Variants in LRP1B observed in about 807,000 individuals in gnomAD.
LRP1B encodes the protein low-density lipoprotein receptor-related protein 1B.
In LRP1B, 217 loss-of-function variants were observed where a neutral mutation model predicts 556.6. The ratio of observed to expected loss-of-function variants is 0.39; its 90% CI spans 0.35 to 0.44. The LOEUF (loss-of-function observed/expected upper bound fraction) is 0.44, where lower values mean the gene tolerates loss of function less well. Ranked by LOEUF, LRP1B falls within the 20% of genes least tolerant of loss-of-function variation. The probability of loss-of-function intolerance (pLI) is 1.00; values close to 1 mark genes in which losing one functional copy is unlikely to be tolerated. For synonymous variants in LRP1B, 2,047 were observed against 1,865.8 expected (o/e 1.10, Z -2.50); for missense variants, 5,053 against 5,620.8 (o/e 0.90, Z 3.23).
At chr2:140,744,054 G>C (rs774792685) in intron 35 of LRP1B, among the ~76,000 whole-genome samples, 6 of 147,558 alleles carry the variant, frequency 4.1e-5, no homozygotes, top group Non-Finnish European at 5.9e-5. Flanking sequence ...AGAGGAATGA[G>C]AAGATGTTAA....
In LRP1B at chr2:141,120,930, C is replaced by T. The variant is rs936526677; in HGVS notation, c.1014-58657G>A. Reference sequence around the variant, plus strand: ...CCATGCATTGCACACTGCAACTCTGCCCTAATAGCTTCTGACAATGATAAA... The same window carrying T: ...CCATGCATTGCACACTGCAACTCTGTCCTAATAGCTTCTGACAATGATAAA... On this transcript the variant is annotated intron_variant, in intron 7 of 90. Coordinates refer to ENST00000389484, the MANE Select transcript of LRP1B (RefSeq NM_018557.3). 4.6e-5 allele frequency among the ~76,000 whole-genome samples: 7 copies of T among 152,082 alleles called. 1 individual carries two copies. The highest frequency in any genetic ancestry group is 7.2e-5 in the African/African-American group (3 of 41,532).
chr2:141,101,620 ATGAG>A (rs1195200635), intron 7 of LRP1B, among the ~76,000 whole-genome samples: 1 of 152,178 alleles, frequency 6.6e-6, no homozygotes, highest in Non-Finnish European at 1.5e-5. Context: ...ATTTGAATGA[ATGAG>A]TGAAATATGA....
At chr2:142,093,150 A>C (rs1272970320) in intron 1 of LRP1B, among the ~76,000 whole-genome samples, 2 of 152,108 alleles carry the variant, frequency 1.3e-5, no homozygotes, top group Admixed American at 1.3e-4. Flanking sequence ...CCATCTTGTC[A>C]TCATGTCTAC....
chr2:141,176,963 T>C (rs1380190765), intron 7 of LRP1B, among the ~76,000 whole-genome samples: 1 of 152,100 alleles, frequency 6.6e-6, no homozygotes, highest in East Asian at 1.9e-4. Flanking sequence ...ATGTCCTCCT[T>C]CTGCTTTTTC....
chr2:142,082,347 A>G (rs1168687185), intron 1 of LRP1B, among the ~76,000 whole-genome samples: 2 of 152,124 alleles, frequency 1.3e-5, no homozygotes, highest in African/African-American at 4.8e-5. Flanking sequence ...TTTTTTTCTC[A>G]TTTGGAAGGT....
intron 1 of LRP1B, among the ~76,000 whole-genome samples, chr2:141,920,696 G>A (rs1700162961): frequency 1.3e-5 from 2 of 151,950 alleles, no homozygotes; most frequent in African/African-American, 4.8e-5. Flanking sequence ...TGAAAGCTAT[G>A]TATACATACC....
At chr2:141,662,614 C>T (rs997013829) in intron 2 of LRP1B, among the ~76,000 whole-genome samples, 1 of 152,034 alleles carries the variant, frequency 6.6e-6, no homozygotes, top group Non-Finnish European at 1.5e-5. Context: ...GGGCTCAATT[C>T]AACAGGAAGA....
chr2:140,577,510 G>A (rs543296383), intron 43 of LRP1B, among the ~76,000 whole-genome samples: 1 of 151,660 alleles, frequency 6.6e-6, no homozygotes, highest in East Asian at 2.0e-4. Context: ...TCAAACTCCT[G>A]GGCTCAAGCG....
chr2:140,815,375 T>C (rs1261227662), intron 31 of LRP1B, among the ~76,000 whole-genome samples: 1 of 152,124 alleles, frequency 6.6e-6, no homozygotes. Context: ...GGCACAATCA[T>C]AGCTCACTGC....
chr2:140,827,967 G>C (rs572491533), intron 31 of LRP1B, among the ~76,000 whole-genome samples: 1 of 85,764 alleles, frequency 1.2e-5, no homozygotes, highest in South Asian at 5.5e-4. Context: ...GGGTGACATA[G>C]TTAAATTACT....
intron 7 of LRP1B, among the ~76,000 whole-genome samples, chr2:141,162,174 T>C (rs1202719584): frequency 6.6e-6 from 1 of 152,108 alleles, no homozygotes; most frequent in Non-Finnish European, 1.5e-5. Context: ...ACTTAAAATG[T>C]TTATGAAATA....
chr2:140,759,308 C>T (rs1315799955), intron 35 of LRP1B, among the ~76,000 whole-genome samples: 2 of 152,138 alleles, frequency 1.3e-5, no homozygotes, highest in African/African-American at 4.8e-5. Context: ...AATACTCCAA[C>T]TCCAGAGATT....
At chr2:141,780,384 A>G (rs866461956) in intron 2 of LRP1B, among the ~76,000 whole-genome samples, 1 of 151,990 alleles carries the variant, frequency 6.6e-6, no homozygotes, top group African/African-American at 2.4e-5. Flanking sequence ...TCCCTTTGGG[A>G]TTTTATGACA....
intron 63 of LRP1B, among the ~76,000 whole-genome samples, chr2:140,449,047 T>C (rs563186001): frequency 1.1e-4 from 16 of 152,182 alleles, no homozygotes; most frequent in African/African-American, 3.8e-4. Context: ...AAACTCCTAA[T>C]ACTAAGTCTG....
chr2:140,394,804 G>A (rs551123420), intron 66 of LRP1B, among the ~76,000 whole-genome samples: 2 of 152,288 alleles, frequency 1.3e-5, no homozygotes, highest in African/African-American at 4.8e-5. Flanking sequence ...AAAGTTGTTT[G>A]AGGTCATGCC....
chr2:140,818,763 C>A (rs1691213242), intron 31 of LRP1B, among the ~76,000 whole-genome samples: 1 of 151,780 alleles, frequency 6.6e-6, no homozygotes, highest in African/African-American at 2.4e-5. Flanking sequence ...GGCAAAACTC[C>A]ATCTCTACTA....
Position 140,769,204 on chromosome 2 carries a change from G to T in LRP1B, c.5758+9C>A. The T allele has an allele frequency of 6.2e-7, 1 of 1,609,672 alleles. No individual in the cohort carries two copies. The highest frequency in any genetic ancestry group is 8.5e-7 in the Non-Finnish European group (1 of 1,177,154). On this transcript the variant is annotated intron_variant, in intron 35 of 90. Transcript: ENST00000389484. ...ATTATGCATAAATTATGACTAAAAA[G>T]CTATTTACCTGCATGGAAATCTATT...
At chr2:141,771,871 T>C (rs575960641) in intron 2 of LRP1B, among the ~76,000 whole-genome samples, 1 of 152,264 alleles carries the variant, frequency 6.6e-6, no homozygotes, top group Admixed American at 6.5e-5. Context: ...CAGGCTGGAG[T>C]GCAGTGGTGC....
At chr2:141,345,874 T>A (rs1196777480) in intron 3 of LRP1B, among the ~76,000 whole-genome samples, 1 of 151,848 alleles carries the variant, frequency 6.6e-6, no homozygotes, top group African/African-American at 2.4e-5. Context: ...TAACCTCTAA[T>A]TTTCTTTGTT....
Sources: allele counts gnomAD v4.1 joint callset (sites outside exome capture counted in the v4.1 genomes callset), GRCh38; gene constraint gnomAD v4.1.1; transcripts MANE v1.5; gene names NCBI Gene and HGNC (gene_info 2026-07-23, HGNC 2026-07-21).